Variants in SLC2A13 observed in about 807,000 individuals in gnomAD.
The protein encoded by SLC2A13 is solute carrier family 2 member 13, also known as proton myo-inositol cotransporter.
SLC2A13 carries 32 observed loss-of-function variants against 64.4 expected under a neutral mutation model. The ratio of observed to expected loss-of-function variants is 0.50; its 90% CI spans 0.37 to 0.67. The LOEUF (loss-of-function observed/expected upper bound fraction) is 0.67, where lower values mean the gene tolerates loss of function less well. SLC2A13 is among the 30% of genes least tolerant of loss of function. SLC2A13 has a pLI of 0.00. For synonymous variants in SLC2A13, 338 were observed against 327.1 expected (o/e 1.03, Z -0.36); for missense variants, 743 against 829.2 (o/e 0.90, Z 1.28).
At chr12:39,918,362 CTT>C (rs5797644) in intron 4 of SLC2A13, among the ~76,000 whole-genome samples, 81,399 of 147,244 alleles carry the variant, frequency 0.55, 23,415 homozygotes, top group East Asian at 0.79. Context: ...CAGAAGTTTC[CTT>C]TTTTTTTTTT....
intron 7 of SLC2A13, among the ~76,000 whole-genome samples, chr12:39,792,563 G>A (rs888924557): frequency 1.3e-5 from 2 of 152,098 alleles, no homozygotes; most frequent in Non-Finnish European, 2.9e-5. Flanking sequence ...TAGATACTAA[G>A]CCTCTGCCAG....
At chr12:39,926,979 T>C (rs997719132) in intron 4 of SLC2A13, among the ~76,000 whole-genome samples, 6 of 152,216 alleles carry the variant, frequency 3.9e-5, no homozygotes, top group African/African-American at 1.4e-4. Context: ...ATCCTGATGC[T>C]ATCTGATTGA....
At chr12:39,975,742 G>C (rs1235602565) in intron 3 of SLC2A13, among the ~76,000 whole-genome samples, 1 of 152,210 alleles carries the variant, frequency 6.6e-6, no homozygotes, top group Admixed American at 6.5e-5. Flanking sequence ...GCACAAAACA[G>C]ATGTAGCTCT....
At chr12:40,065,512 G>A (rs543460360) in intron 1 of SLC2A13, among the ~76,000 whole-genome samples, 3 of 152,180 alleles carry the variant, frequency 2.0e-5, no homozygotes, top group African/African-American at 7.2e-5. Flanking sequence ...TTGAGCCCAG[G>A]AGGTCAAGGC....
chr12:39,841,155 A>G (rs752339024), intron 6 of SLC2A13, among the ~76,000 whole-genome samples: 55 of 152,266 alleles, frequency 3.6e-4, no homozygotes, highest in Middle Eastern at 3.4e-3. Flanking sequence ...AAAATTTTAT[A>G]GTAGTGAGGT....
rs539003588 is a variant in SLC2A13 at position 39,821,784 on chromosome 12, A to T, written c.1445+8319T>A. Among the ~76,000 whole-genome samples, 8 of 152,306 alleles carry T rather than the reference A, an allele frequency of 5.3e-5. No homozygotes were observed. The South Asian group carries it at 1.2e-3, about 24-fold the overall frequency. On this transcript the variant is annotated intron_variant, in intron 7 of 9. Transcript: ENST00000280871. ...TCCTTGGCCAGAACAGCTCATGTGGATAAGACTGAATGGGCCAGGGAAATA... is the reference window on the plus strand; with the variant it reads ...TCCTTGGCCAGAACAGCTCATGTGGTTAAGACTGAATGGGCCAGGGAAATA...
intron 6 of SLC2A13, among the ~76,000 whole-genome samples, chr12:39,851,671 T>C (rs1943473606): frequency 6.6e-6 from 1 of 152,136 alleles, no homozygotes; most frequent in African/African-American, 2.4e-5. Flanking sequence ...CCAATTATGC[T>C]AGATACATCA....
At chr12:39,820,434 A>G (rs989808018) in intron 7 of SLC2A13, among the ~76,000 whole-genome samples, 2 of 152,218 alleles carry the variant, frequency 1.3e-5, no homozygotes, top group Non-Finnish European at 1.5e-5. Flanking sequence ...ATGCTAAAAC[A>G]TGGATTGCTA....
At position 39,786,595 on chromosome 12, in the gene SLC2A13, C is replaced by T. The variant is rs185316735; in HGVS notation, c.1446-21737G>A. ...CCTTGCATATAAAGCACAAGGAGAGCATGATATTCAGACTTGGGGCTCAGG... is the reference window on the plus strand; with the variant it reads ...CCTTGCATATAAAGCACAAGGAGAGTATGATATTCAGACTTGGGGCTCAGG... On this transcript the variant is annotated intron_variant, in intron 7 of 9. Coordinates refer to ENST00000280871, the MANE Select transcript of SLC2A13 (RefSeq NM_052885.4). Among the ~76,000 whole-genome samples, 849 of 152,198 alleles carry T rather than the reference C, an allele frequency of 5.6e-3. 12 individuals carry two copies. Among genetic ancestry groups the T allele is most frequent in the African/African-American group, 0.019 (790 of 41,536 alleles).
At chr12:39,803,806 G>T (rs1941882163) in intron 7 of SLC2A13, among the ~76,000 whole-genome samples, 1 of 152,134 alleles carries the variant, frequency 6.6e-6, no homozygotes, top group African/African-American at 2.4e-5. Flanking sequence ...AGATAATATG[G>T]TAAGTAATAT....
intron 4 of SLC2A13, among the ~76,000 whole-genome samples, chr12:39,921,470 A>C (rs1018195919): frequency 6.6e-6 from 1 of 152,106 alleles, no homozygotes; most frequent in African/African-American, 2.4e-5. Context: ...TGGAAACGTC[A>C]TGGGAGCGTC....
intron 4 of SLC2A13, among the ~76,000 whole-genome samples, chr12:39,919,098 A>C (rs1945570885): frequency 6.6e-6 from 1 of 151,652 alleles, no homozygotes; most frequent in South Asian, 2.1e-4. Context: ...CTCCCACCTC[A>C]GTCTCCCAAG....
intron 4 of SLC2A13, among the ~76,000 whole-genome samples, chr12:39,908,772 G>A (rs1368522688): frequency 2.0e-5 from 3 of 151,986 alleles, no homozygotes; most frequent in Non-Finnish European, 4.4e-5. Context: ...CAGGTCTTGA[G>A]CATAGAGGTA....
At chr12:39,974,009 A>G (rs796372655) in intron 3 of SLC2A13, among the ~76,000 whole-genome samples, 3 of 152,238 alleles carry the variant, frequency 2.0e-5, no homozygotes, top group Admixed American at 6.5e-5. Flanking sequence ...CTCTGGAATT[A>G]GACATGCCTC....
chr12:40,103,063 C>T (rs1257222991), intron 1 of SLC2A13, among the ~76,000 whole-genome samples: 2 of 152,206 alleles, frequency 1.3e-5, no homozygotes, highest in African/African-American at 4.8e-5. Flanking sequence ...CACACCAGAA[C>T]TGAATGGAGA....
At position 40,105,124 on chromosome 12, in the gene SLC2A13, A is replaced by C; in HGVS notation, c.556+129T>G. On this transcript the variant is annotated intron_variant, in intron 1 of 9. Coordinates refer to ENST00000280871, the MANE Select transcript of SLC2A13 (RefSeq NM_052885.4). The surrounding 1 kb of genome is among the most constrained non-coding windows in gnomAD (Gnocchi z 4.2). ...AACAAACAGATGGGCTCTGGAGGCC[A>C]GAGAAGTGGAGGATTCTCTGACCCT... The C allele has an allele frequency of 2.6e-6, 3 of 1,167,668 alleles. No individual in the cohort carries two copies. Among genetic ancestry groups the C allele is most frequent in the Non-Finnish European group, 3.2e-6 (3 of 936,744 alleles). 72.3% of individuals were successfully genotyped at this position (1,167,668 alleles called of 1,614,324 possible).
At chr12:40,000,631 T>C (rs1007553826) in intron 3 of SLC2A13, among the ~76,000 whole-genome samples, 16 of 152,286 alleles carry the variant, frequency 1.1e-4, no homozygotes, top group African/African-American at 3.9e-4. Context: ...GAGGCCTCTC[T>C]CTCCTTGGCT....
At chr12:39,896,438 A>T (rs1041956886) in intron 4 of SLC2A13, among the ~76,000 whole-genome samples, 1 of 143,958 alleles carries the variant, frequency 6.9e-6, no homozygotes, top group African/African-American at 2.6e-5. Flanking sequence ...ATATGTATAC[A>T]TATATGTATA....
At chr12:39,847,545 G>A (rs1171387904) in intron 6 of SLC2A13, among the ~76,000 whole-genome samples, 2 of 152,068 alleles carry the variant, frequency 1.3e-5, no homozygotes, top group Non-Finnish European at 2.9e-5. Flanking sequence ...GGAATGCTAT[G>A]CTGGTAGAAC....
Sources: gnomAD v4.1 joint callset for allele counts (sites outside exome capture counted in the v4.1 genomes callset) on GRCh38, gnomAD v4.1.1 for gene constraint, Gnocchi (gnomAD v3.1) non-coding constraint, MANE v1.5 for transcripts, NCBI Gene and HGNC (gene_info 2026-07-23, HGNC 2026-07-21) for gene names.